DPP6: variants seen among roughly 807,000 people sequenced by gnomAD.
DPP6 encodes A-type potassium channel modulatory protein DPP6.
A neutral mutation model predicts 122.6 loss-of-function variants in DPP6; 69 were observed. The ratio of observed to expected loss-of-function variants is 0.56; its 90% CI spans 0.46 to 0.69. The LOEUF (loss-of-function observed/expected upper bound fraction) is 0.69. DPP6 is among the 30% of genes least tolerant of loss of function. The pLI, the probability that DPP6 is intolerant of heterozygous loss-of-function variation, is 0.00. For missense variants in DPP6, 928 were observed against 1,116.9 expected (o/e 0.83, Z 2.41); for synonymous variants, 418 against 433.1 (o/e 0.97, Z 0.43).
intron 5 of DPP6, among the ~76,000 whole-genome samples, chr7:154,593,725 C>T (rs1212759081): frequency 6.6e-6 from 1 of 152,204 alleles, no homozygotes; most frequent in Non-Finnish European, 1.5e-5. Flanking sequence ...CTCCAAGAAC[C>T]TGAGCCCTTT....
intron 1 of DPP6, among the ~76,000 whole-genome samples, chr7:154,043,427 A>G: frequency 8.2e-6 from 1 of 122,240 alleles, no homozygotes; most frequent in African/African-American, 3.2e-5. Context: ...AAAAAAAAAA[A>G]AAAAAAAAAA....
chr7:153,884,797 T>C (rs1798846831), upstream of DPP6, among the ~76,000 whole-genome samples: 1 of 151,866 alleles, frequency 6.6e-6, no homozygotes, highest in Admixed American at 6.6e-5. Context: ...ATGACCAATA[T>C]GGTGAAACCC....
intron 3 of DPP6, among the ~76,000 whole-genome samples, chr7:154,537,650 A>G (rs542506683): frequency 1.3e-5 from 2 of 152,036 alleles, no homozygotes; most frequent in African/African-American, 2.4e-5. Context: ...AGATCATGCC[A>G]TTACACTCCA....
chr7:154,252,576 A>G (rs1262244614), intron 1 of DPP6, among the ~76,000 whole-genome samples: 1 of 152,250 alleles, frequency 6.6e-6, no homozygotes, highest in Non-Finnish European at 1.5e-5. Flanking sequence ...GGAATAGCAT[A>G]TGAACAAATG....
intron 1 of DPP6, among the ~76,000 whole-genome samples, chr7:154,189,922 T>C (rs1798532096): frequency 6.6e-6 from 1 of 152,230 alleles, no homozygotes; most frequent in Admixed American, 6.5e-5. Flanking sequence ...TGATGGCCAG[T>C]AACACCACCC....
intron 1 of DPP6, among the ~76,000 whole-genome samples, chr7:154,261,007 T>G (rs1243170498): frequency 2.6e-5 from 4 of 152,068 alleles, no homozygotes; most frequent in Non-Finnish European, 5.9e-5. Context: ...GTGATTCTCC[T>G]GCCTCAGCCT....
At chr7:154,339,238 G>A (rs1809702682) in intron 1 of DPP6, among the ~76,000 whole-genome samples, 1 of 152,348 alleles carries the variant, frequency 6.6e-6, no homozygotes, top group Middle Eastern at 3.4e-3. Context: ...GCAAATGCAA[G>A]TAATTCAGAG....
intron 1 of DPP6, among the ~76,000 whole-genome samples, chr7:154,168,438 A>G (rs1797366949): frequency 6.6e-6 from 1 of 152,148 alleles, no homozygotes; most frequent in African/African-American, 2.4e-5. Context: ...AAAATACACT[A>G]TTTGTAGTTC....
intron 1 of DPP6, among the ~76,000 whole-genome samples, chr7:154,245,527 T>C (rs913203479): frequency 6.6e-6 from 1 of 150,530 alleles, no homozygotes; most frequent in Admixed American, 6.6e-5. Flanking sequence ...TCCCAGCTAC[T>C]TGGGAGGCTG....
At chr7:154,428,760 T>C (rs911186772) in intron 1 of DPP6, among the ~76,000 whole-genome samples, 8 of 152,188 alleles carry the variant, frequency 5.3e-5, no homozygotes, top group Non-Finnish European at 1.2e-4. Context: ...GAAAACCTAA[T>C]ATTGTTATGT....
intron 7 of DPP6, among the ~76,000 whole-genome samples, chr7:154,680,063 G>C (rs907319946): frequency 1.3e-5 from 2 of 152,118 alleles, no homozygotes; most frequent in African/African-American, 4.8e-5. Flanking sequence ...AGGAGAATTA[G>C]GAAATAATTA....
chr7:154,032,951 CTGTGGCTGCCTTTGAAGGTGGCTTTATAT>C (rs1292138188), intron 1 of DPP6, among the ~76,000 whole-genome samples: 7 of 147,650 alleles, frequency 4.7e-5, no homozygotes, highest in Non-Finnish European at 1.0e-4. Context: ...CTTTATATAC[CTGTGGCTGCCTTTGAAGGTGGCTTTATAT>C]ACCTGTGGCT....
chr7:154,041,236 T>C (rs1799746949), intron 1 of DPP6, among the ~76,000 whole-genome samples: 1 of 152,152 alleles, frequency 6.6e-6, no homozygotes, highest in Non-Finnish European at 1.5e-5. Flanking sequence ...GCCTCCAGAT[T>C]TTCTAGTTGA....
In DPP6 at chr7:154,755,991, C is replaced by T. The variant is rs1223089475; in HGVS notation, c.884-13426C>T. ...TGTTGCAGAGGAAATATGCTTTTTG[C>T]AGAGGGCTTAGAAAACGTGCAGTGA... On this transcript the variant is annotated intron_variant, in intron 8 of 25. Transcript: ENST00000377770. The surrounding 1 kb of genome is among the most constrained non-coding windows in gnomAD (Gnocchi z 4.7). Among the ~76,000 whole-genome samples, 1 of 152,186 alleles carries T rather than the reference C, an allele frequency of 6.6e-6. No homozygotes were observed. Among genetic ancestry groups the T allele is most frequent in the Non-Finnish European group, 1.5e-5 (1 of 68,040 alleles).
intron 17 of DPP6, among the ~76,000 whole-genome samples, chr7:154,856,647 A>T (rs1255678844): frequency 1.3e-5 from 2 of 152,216 alleles, no homozygotes; most frequent in East Asian, 3.8e-4. Flanking sequence ...TTTCCTCTGT[A>T]GGACTGGCTA....
intron 11 of DPP6, among the ~76,000 whole-genome samples, chr7:154,794,754 G>GAGGTTGC (rs979219403): frequency 1.9e-5 from 2 of 104,176 alleles, no homozygotes; most frequent in Non-Finnish European, 4.0e-5. Context: ...AAGTGTAAGA[G>GAGGTTGC]AGGTTGCCCG....
intron 1 of DPP6, among the ~76,000 whole-genome samples, chr7:153,926,762 AACAG>A (rs1314068429): frequency 6.6e-6 from 1 of 152,100 alleles, no homozygotes; most frequent in Non-Finnish European, 1.5e-5. Context: ...CCATGAAATA[AACAG>A]ACAGCTGCTC....
At chr7:154,837,162 CAA>C (rs752063448) in intron 16 of DPP6, among the ~76,000 whole-genome samples, 13 of 151,568 alleles carry the variant, frequency 8.6e-5, no homozygotes, top group Non-Finnish European at 1.6e-4. Context: ...CACATGCACA[CAA>C]ACACATGCAT....
At chr7:154,170,099 T>G (rs1002080895) in intron 1 of DPP6, among the ~76,000 whole-genome samples, 1 of 152,130 alleles carries the variant, frequency 6.6e-6, no homozygotes, top group Non-Finnish European at 1.5e-5. Flanking sequence ...AGGCCCTGAA[T>G]TCTGGCACCT....
Sources: gnomAD v4.1 joint callset for allele counts (sites outside exome capture counted in the v4.1 genomes callset) on GRCh38, gnomAD v4.1.1 for gene constraint, Gnocchi (gnomAD v3.1) non-coding constraint, MANE v1.5 for transcripts, NCBI Gene and HGNC (gene_info 2026-07-23, HGNC 2026-07-21) for gene names.